Variants in KAZN observed in about 807,000 individuals in gnomAD.
KAZN encodes the protein kazrin.
KAZN carries 40 observed loss-of-function variants against 87.4 expected under a neutral mutation model. The observed-to-expected ratio is 0.46, with a 90% CI of 0.36 to 0.60. The LOEUF is 0.60. Ranked by LOEUF, KAZN falls within the 20% of genes least tolerant of loss-of-function variation. The probability of loss-of-function intolerance (pLI) is 0.00; values close to 1 mark genes in which losing one functional copy is unlikely to be tolerated. For missense variants in KAZN, 898 were observed against 1,073.9 expected (o/e 0.84, Z 2.29); for synonymous variants, 466 against 458.3 (o/e 1.02, Z -0.22).
intron 2 of KAZN, among the ~76,000 whole-genome samples, chr1:15,031,085 A>G (rs1288957580): frequency 6.6e-6 from 1 of 152,214 alleles, no homozygotes; most frequent in Non-Finnish European, 1.5e-5. Context: ...CGTTCAGGAC[A>G]AGATGGGATG....
intron 1 of KAZN, among the ~76,000 whole-genome samples, chr1:14,170,859 G>T (rs1436426180): frequency 1.3e-5 from 2 of 152,010 alleles, no homozygotes; most frequent in Non-Finnish European, 2.9e-5. Flanking sequence ...GTAGCTGGGA[G>T]TACAGGTGCC....
At chr1:14,568,489 G>A (rs988578392) in intron 2 of KAZN, among the ~76,000 whole-genome samples, 1 of 152,208 alleles carries the variant, frequency 6.6e-6, no homozygotes, top group Non-Finnish European at 1.5e-5. Context: ...GTATTATATG[G>A]TGACAGGCAA....
Position 14,158,270 on chromosome 1 carries a change from A to G in KAZN, c.92-22165A>G, listed in dbSNP as rs182484489. On this transcript the variant is annotated intron_variant, in intron 1 of 16. Coordinates refer to the KAZN transcript ENST00000636203. ...CTTTTGGGGCTATTTTCTAGATCTT[A>G]TAGGTGTGCTTCATTGTTTTTTATT... Among the ~76,000 whole-genome samples, 643 of 152,192 alleles carry G rather than the reference A, an allele frequency of 4.2e-3. 3 individuals are homozygous for G. The highest frequency in any genetic ancestry group is 0.014 in the African/African-American group (562 of 41,534).
intron 1 of KAZN, among the ~76,000 whole-genome samples, chr1:14,650,553 A>T (rs1638296523): frequency 6.6e-6 from 1 of 152,210 alleles, no homozygotes; most frequent in Admixed American, 6.5e-5. Context: ...CTCAAAAACA[A>T]ACAGATAAAC....
chr1:14,351,098 C>G (rs1220665134), intron 2 of KAZN: 2 of 152,202 alleles, frequency 1.3e-5, no homozygotes, highest in Non-Finnish European at 2.9e-5. Flanking sequence ...GGCTCCAGGT[C>G]CTGAATCCTC....
chr1:14,088,652 A>C (rs1643905716), intron 1 of KAZN, among the ~76,000 whole-genome samples: 2 of 152,018 alleles, frequency 1.3e-5, no homozygotes, highest in African/African-American at 4.8e-5. Context: ...GACCAAGTTC[A>C]TTGATAATGT....
At position 14,373,568 on chromosome 1, in the gene KAZN, C is replaced by T. The variant is rs866696337; in HGVS notation, c.249+192976C>T. 4.6e-5 allele frequency among the ~76,000 whole-genome samples: 7 copies of T among 152,312 alleles called. No homozygotes were observed. The East Asian group carries it at 9.7e-4, about 21-fold the overall frequency. Reference sequence around the variant, plus strand: ...TTCAAATGCTAATCTCTTCCAGAAACGCCCTCACAGCCCAACCCAGAAATA... The same window carrying T: ...TTCAAATGCTAATCTCTTCCAGAAATGCCCTCACAGCCCAACCCAGAAATA... On this transcript the variant is annotated intron_variant, in intron 2 of 16. Coordinates refer to the KAZN transcript ENST00000636203.
intron 2 of KAZN, among the ~76,000 whole-genome samples, chr1:14,530,860 G>A (rs1287864861): frequency 6.6e-6 from 1 of 152,138 alleles, no homozygotes; most frequent in African/African-American, 2.4e-5. Context: ...TGAGGCAGGA[G>A]GATCACTTGA....
chr1:14,790,575 T>G (rs1035412906), intron 1 of KAZN, among the ~76,000 whole-genome samples: 6 of 152,182 alleles, frequency 3.9e-5, no homozygotes, highest in African/African-American at 1.2e-4. Context: ...AAGGGGCTTT[T>G]TGTTAGCTTT....
intron 1 of KAZN, among the ~76,000 whole-genome samples, chr1:14,089,463 C>T (rs947402726): frequency 2.6e-5 from 4 of 152,038 alleles, no homozygotes; most frequent in African/African-American, 7.2e-5. Context: ...TCCATTTAAA[C>T]AAATAGCTAT....
At chr1:14,651,795 C>T (rs6699411) in intron 1 of KAZN, among the ~76,000 whole-genome samples, 41,229 of 152,036 alleles carry the variant, frequency 0.27, 5,839 homozygotes, top group South Asian at 0.36. Context: ...GTTTTTATGG[C>T]TGGTTAATGC....
intron 1 of KAZN, among the ~76,000 whole-genome samples, chr1:14,851,169 G>A (rs1649389733): frequency 6.6e-6 from 1 of 152,148 alleles, no homozygotes; most frequent in African/African-American, 2.4e-5. Context: ...CTGTATTAGG[G>A]AGATGGTCCA....
At chr1:14,540,932 T>C (rs1043814422) in intron 2 of KAZN, among the ~76,000 whole-genome samples, 1 of 152,202 alleles carries the variant, frequency 6.6e-6, no homozygotes, top group Non-Finnish European at 1.5e-5. Context: ...TGTCCCTTCT[T>C]CATTCTTTAA....
chr1:14,741,781 A>C (rs541733151), intron 1 of KAZN, among the ~76,000 whole-genome samples: 1 of 152,182 alleles, frequency 6.6e-6, no homozygotes, highest in African/African-American at 2.4e-5. Context: ...CTTTCAAGGC[A>C]TATTAAACAA....
rs1250854739 is a variant in KAZN at position 14,923,019 on chromosome 1, G to A, written c.227-37665G>A. On this transcript the variant is annotated intron_variant, in intron 1 of 14. Transcript: ENST00000376030. This position sits in a 1 kb window ranked among gnomAD's most constrained non-coding sequence, Gnocchi z 4.2. ...AAAGGTTTTGTAGACTTAAGGGAAA[G>A]TAATTAGGTTCTCACAGCTTGTTGG... Among the ~76,000 whole-genome samples the A allele has an allele frequency of 6.6e-6, 1 of 152,208 alleles. No homozygotes were observed. The highest frequency in any genetic ancestry group is 1.5e-5 in the Non-Finnish European group (1 of 68,042).
intron 1 of KAZN, among the ~76,000 whole-genome samples, chr1:14,642,324 C>T (rs369293273): frequency 3.9e-5 from 6 of 152,184 alleles, no homozygotes; most frequent in African/African-American, 7.2e-5. Flanking sequence ...TGCTTGAACC[C>T]GGGAGGCGGA....
intron 1 of KAZN, among the ~76,000 whole-genome samples, chr1:14,164,981 G>A (rs555081152): frequency 3.0e-4 from 45 of 152,072 alleles, no homozygotes; most frequent in Non-Finnish European, 6.2e-4. Context: ...CCAGGGTGTC[G>A]GTCTTTCTAT....
intron 1 of KAZN, among the ~76,000 whole-genome samples, chr1:14,098,302 C>T (rs1644173954): frequency 6.6e-6 from 1 of 152,160 alleles, no homozygotes; most frequent in African/African-American, 2.4e-5. Context: ...AGCTTGAGGG[C>T]ATCTGCCACT....
intron 1 of KAZN, among the ~76,000 whole-genome samples, chr1:14,777,522 G>A (rs1473682): frequency 0.74 from 112,427 of 151,950 alleles, 41,646 homozygotes; most frequent in South Asian, 0.84. Flanking sequence ...CACAGGGCCC[G>A]GCCCTCCTCA....
Sources: gnomAD v4.1 joint callset for allele counts (sites outside exome capture counted in the v4.1 genomes callset) on GRCh38, gnomAD v4.1.1 for gene constraint, Gnocchi (gnomAD v3.1) non-coding constraint, MANE v1.5 for transcripts, NCBI Gene and HGNC (gene_info 2026-07-23, HGNC 2026-07-21) for gene names.